SNTG1: variants seen among roughly 807,000 people sequenced by gnomAD.
SNTG1 encodes gamma-1-syntrophin.
SNTG1 carries 39 observed loss-of-function variants against 74.7 expected under a neutral mutation model. That is an observed-to-expected ratio of 0.52 (90% confidence interval 0.40 to 0.68). The LOEUF is 0.68. Among genes scored for constraint, SNTG1 ranks in the 30% least tolerant of loss-of-function variants. The probability of loss-of-function intolerance (pLI) is 0.00; values close to 1 mark genes in which losing one functional copy is unlikely to be tolerated. For missense variants in SNTG1, 685 were observed against 609.5 expected (o/e 1.12, Z -1.30); for synonymous variants, 254 against 217.1 (o/e 1.17, Z -1.49).
chr8:50,704,544 A>G (rs758059294), intron 15 of SNTG1, 56 bp from the exon 16 acceptor site: 1 of 1,611,700 alleles, frequency 6.2e-7, no homozygotes. Flanking sequence ...AGGAATGGCC[A>G]GGTTAGCAAT....
chr8:50,773,311 AC>A (rs1254883140), intron 18 of SNTG1, among the ~76,000 whole-genome samples: 10 of 152,246 alleles, frequency 6.6e-5, no homozygotes, highest in African/African-American at 2.2e-4. Flanking sequence ...ATTCCTGAGA[AC>A]CTAGAAGGGC....
intron 13 of SNTG1, among the ~76,000 whole-genome samples, chr8:50,649,777 ATTATC>A (rs2095133368): frequency 6.6e-6 from 1 of 151,772 alleles, no homozygotes; most frequent in African/African-American, 2.4e-5. Context: ...TTAGTCTATT[ATTATC>A]TTATTTTTAA....
At chr8:50,554,057 T>C (rs1379184811) in intron 12 of SNTG1, among the ~76,000 whole-genome samples, 3 of 152,112 alleles carry the variant, frequency 2.0e-5, no homozygotes, top group Non-Finnish European at 2.9e-5. Flanking sequence ...ACACACAAAA[T>C]TGTTCTTATG....
chr8:50,145,951 G>T (rs1442296201), intron 1 of SNTG1, among the ~76,000 whole-genome samples: 1 of 143,964 alleles, frequency 6.9e-6, no homozygotes, highest in Non-Finnish European at 1.5e-5. Flanking sequence ...ATGTACCCTA[G>T]AACTTAAAGT....
intron 2 of SNTG1, among the ~76,000 whole-genome samples, chr8:50,326,457 T>C (rs2090753011): frequency 6.6e-6 from 1 of 152,036 alleles, no homozygotes; most frequent in Non-Finnish European, 1.5e-5. Context: ...TTCACCAACA[T>C]TGTCAAATTT....
At chr8:50,169,851 G>A (rs1425627493) in intron 1 of SNTG1, among the ~76,000 whole-genome samples, 6 of 152,152 alleles carry the variant, frequency 3.9e-5, no homozygotes, top group Non-Finnish European at 7.4e-5. Flanking sequence ...TAAGGCAGGA[G>A]GATCACTGGA....
At chr8:50,286,825 A>T (rs761483110) in intron 2 of SNTG1, 4 of 152,152 alleles carry the variant, frequency 2.6e-5, no homozygotes, top group Non-Finnish European at 5.9e-5. Context: ...TACAGAAGGC[A>T]CCAGAATATT....
In SNTG1 at chr8:50,185,530, A is replaced by G. The variant is rs558418353; in HGVS notation, c.-28+12895A>G. 1.7e-3 allele frequency among the ~76,000 whole-genome samples: 264 copies of G among 152,316 alleles called. 2 individuals are homozygous for G. The highest frequency in any genetic ancestry group is 6.0e-3 in the African/African-American group (248 of 41,584). On this transcript the variant is annotated intron_variant, in intron 2 of 18. Transcript: ENST00000642720. Reference sequence around the variant, plus strand: ...ATTTACTAGTTGTGACTCATTTGACAGTTTCTTAAACTCTCTGAGTAAGTT... The same window carrying G: ...ATTTACTAGTTGTGACTCATTTGACGGTTTCTTAAACTCTCTGAGTAAGTT...
At chr8:50,103,535 A>G (rs1235162265) in intron 1 of SNTG1, among the ~76,000 whole-genome samples, 2 of 152,152 alleles carry the variant, frequency 1.3e-5, no homozygotes, top group Admixed American at 6.5e-5. Context: ...CTCTTTTCGT[A>G]ATCGAATACC....
intron 2 of SNTG1, among the ~76,000 whole-genome samples, chr8:50,225,658 TC>T (rs2085292895): frequency 6.6e-6 from 1 of 152,202 alleles, no homozygotes; most frequent in South Asian, 2.1e-4. Flanking sequence ...AGAGCTTGAG[TC>T]TTTTGCCAAC....
chr8:50,548,752 G>T (rs1268442708), intron 11 of SNTG1, among the ~76,000 whole-genome samples: 1 of 152,096 alleles, frequency 6.6e-6, no homozygotes, highest in African/African-American at 2.4e-5. Flanking sequence ...AAATACATGG[G>T]TTAAAGAAAA....
intron 1 of SNTG1, among the ~76,000 whole-genome samples, chr8:50,150,941 G>C (rs7826842): frequency 2.6e-5 from 4 of 152,074 alleles, no homozygotes; most frequent in Non-Finnish European, 5.9e-5. Flanking sequence ...AGTTAGGGAG[G>C]ATTCCCTCTT....
At chr8:50,266,501 A>T (rs994184759) in intron 2 of SNTG1, among the ~76,000 whole-genome samples, 1 of 151,940 alleles carries the variant, frequency 6.6e-6, no homozygotes, top group Non-Finnish European at 1.5e-5. Context: ...AAATAGAAGT[A>T]AATTTTCCTG....
intron 15 of SNTG1, among the ~76,000 whole-genome samples, chr8:50,690,163 C>T (rs1177401198): frequency 1.3e-5 from 2 of 152,042 alleles, no homozygotes; most frequent in Non-Finnish European, 2.9e-5. Context: ...GTCTTGCTAG[C>T]AGTCTATCAA....
At chr8:50,371,498 T>C (rs1477243711) in intron 2 of SNTG1, among the ~76,000 whole-genome samples, 1 of 152,210 alleles carries the variant, frequency 6.6e-6, no homozygotes, top group Non-Finnish European at 1.5e-5. Flanking sequence ...GGTGTGCAGA[T>C]GATTCTGATG....
At chr8:50,706,953 G>A (rs988714234) in intron 16 of SNTG1, among the ~76,000 whole-genome samples, 1 of 151,836 alleles carries the variant, frequency 6.6e-6, no homozygotes, top group Non-Finnish European at 1.5e-5. Context: ...CCTTAAAAAG[G>A]ATAATTTATG....
At chr8:50,296,689 T>C (rs1383083834) in intron 2 of SNTG1, among the ~76,000 whole-genome samples, 1 of 152,120 alleles carries the variant, frequency 6.6e-6, no homozygotes, top group Non-Finnish European at 1.5e-5. Flanking sequence ...AGATGACAAG[T>C]TGATAAGTGC....
chr8:50,769,633 CTG>C (rs777340301), intron 18 of SNTG1, among the ~76,000 whole-genome samples: 13 of 151,964 alleles, frequency 8.6e-5, no homozygotes, highest in Non-Finnish European at 1.3e-4. Context: ...GTAAGACTAA[CTG>C]TATAAATTTA....
At position 50,791,123 on chromosome 8, in the gene SNTG1, A is replaced by G. The variant is rs562588994; in HGVS notation, c.1396-1548A>G. ...TTTGGGAAGATAGAGAAAGTATTTA[A>G]AATGTGTTTGGGAAATAAACTGGCT... On this transcript the variant is annotated intron_variant, in intron 18 of 18. Coordinates refer to ENST00000642720, the MANE Select transcript of SNTG1 (RefSeq NM_018967.5). Among the ~76,000 whole-genome samples, 17 of 152,010 alleles carry G rather than the reference A, an allele frequency of 1.1e-4. No homozygotes were observed. The South Asian group carries it at 3.3e-3, about 30-fold the overall frequency.
Sources: gnomAD v4.1 joint callset for allele counts (sites outside exome capture counted in the v4.1 genomes callset) on GRCh38, gnomAD v4.1.1 for gene constraint, MANE v1.5 for transcripts, NCBI Gene and HGNC (gene_info 2026-07-23, HGNC 2026-07-21) for gene names.